The following AUTS2 variants were observed in gnomAD, a reference collection of about 807,000 sequenced individuals.
AUTS2 encodes activator of transcription and developmental regulator AUTS2.
In AUTS2, 17 loss-of-function variants were observed where a neutral mutation model predicts 112.4. The ratio of observed to expected loss-of-function variants is 0.15; its 90% CI spans 0.10 to 0.23. AUTS2 has a LOEUF of 0.23. AUTS2 is among the 10% of genes least tolerant of loss of function. AUTS2 has a pLI of 1.00. For missense variants in AUTS2, 1,510 were observed against 1,701.6 expected (o/e 0.89, Z 1.98); for synonymous variants, 751 against 702.7 (o/e 1.07, Z -1.09).
intron 4 of AUTS2, among the ~76,000 whole-genome samples, chr7:70,336,439 A>G (rs931599730): frequency 1.3e-5 from 2 of 152,056 alleles, no homozygotes; most frequent in Admixed American, 1.3e-4. Context: ...TATTATTTCA[A>G]TTTGCCCACA....
intron 4 of AUTS2, among the ~76,000 whole-genome samples, chr7:70,384,660 G>A (rs1440707137): frequency 6.6e-6 from 1 of 152,196 alleles, no homozygotes; most frequent in Non-Finnish European, 1.5e-5. Context: ...TGTTGCTCTG[G>A]ACTGCTGGCA....
At chr7:69,652,284 C>T (rs971184145) in intron 1 of AUTS2, among the ~76,000 whole-genome samples, 4 of 151,896 alleles carry the variant, frequency 2.6e-5, no homozygotes, top group Non-Finnish European at 5.9e-5. Context: ...AAGTAGACAC[C>T]TGTGCCTGAT....
At chr7:69,691,356 T>G (rs932577357) in intron 1 of AUTS2, among the ~76,000 whole-genome samples, 2 of 151,896 alleles carry the variant, frequency 1.3e-5, no homozygotes, top group Admixed American at 1.3e-4. Context: ...AGCTGTCCAT[T>G]GTGTCTAGGC....
At chr7:70,321,135 A>G (rs1218152345) in intron 4 of AUTS2, among the ~76,000 whole-genome samples, 1 of 152,214 alleles carries the variant, frequency 6.6e-6, no homozygotes, top group Non-Finnish European at 1.5e-5. Context: ...GATAGGTAGT[A>G]TTATTCCCAT....
chr7:70,507,497 T>C (rs1799011741), intron 5 of AUTS2, among the ~76,000 whole-genome samples: 1 of 151,988 alleles, frequency 6.6e-6, no homozygotes, highest in Admixed American at 6.6e-5. Context: ...TCCCTGAACA[T>C]TAAAAAAAAG....
rs1029226880 is a variant in AUTS2 at position 70,653,174 on chromosome 7, T to C, written c.691-45395T>C. Among the ~76,000 whole-genome samples, 25 of 152,178 alleles carry C rather than the reference T, an allele frequency of 1.6e-4. 1 individual carries two copies. Among genetic ancestry groups the C allele is most frequent in the Admixed American group, 1.5e-3 (23 of 15,280 alleles). ...GGAGGCTGAGACAGGAGGATTGCTT[T>C]CGAGGCTGCATGAGCTATGATCATG... On this transcript the variant is annotated intron_variant, in intron 5 of 18. Transcript: ENST00000342771.
chr7:70,007,616 A>G (rs994487244), intron 2 of AUTS2, among the ~76,000 whole-genome samples: 13 of 152,158 alleles, frequency 8.5e-5, no homozygotes, highest in Admixed American at 1.3e-4. Flanking sequence ...CATCAGTTCT[A>G]TAAAGTAAGG....
chr7:70,678,043 C>T (rs2129544852), intron 5 of AUTS2, among the ~76,000 whole-genome samples: 1 of 152,158 alleles, frequency 6.6e-6, no homozygotes, highest in East Asian at 1.9e-4. Context: ...GATGGTGCCA[C>T]TGCACTCCAG....
chr7:70,775,400 T>C lies in AUTS2; in HGVS notation c.1932+14T>C, dbSNP rs757038385. 197 of 1,610,644 alleles carry C rather than the reference T, an allele frequency of 1.2e-4. 2 individuals are homozygous for C. The Middle Eastern group carries it at 1.5e-3, about 12-fold the overall frequency. On this transcript the variant is annotated intron_variant, in intron 13 of 18. Transcript: ENST00000342771. ...CCTATGTTAAGGGTAAGAAAGCTTC[T>C]TATAGAACTGTTTTGCAACCTCTAT...
intron 1 of AUTS2, among the ~76,000 whole-genome samples, chr7:69,817,822 CA>C (rs1790828406): frequency 6.6e-6 from 1 of 152,156 alleles, no homozygotes; most frequent in Admixed American, 6.5e-5. Flanking sequence ...CTCTGGACCC[CA>C]ACAGGATGCA....
In AUTS2 at chr7:69,614,370, T is replaced by TCTTTCTTTCTTTCTTTC. The variant is rs1322536871; in HGVS notation, c.309+14408_309+14409insCTTTCTTTCTTTCTTTC. ...TTTCTTTCTTTCTTTCTTTCTTTTT[T>TCTTTCTTTCTTTCTTTC]TAAGAGATGGGATCTCACTCTGTTT... On this transcript the variant is annotated intron_variant, in intron 1 of 18. Coordinates refer to ENST00000342771, the MANE Select transcript of AUTS2 (RefSeq NM_015570.4). 7.4e-4 allele frequency among the ~76,000 whole-genome samples: 21 copies of TCTTTCTTTCTTTCTTTC among 28,536 alleles called. 1 individual carries two copies. Among genetic ancestry groups the TCTTTCTTTCTTTCTTTC allele is most frequent in the Admixed American group, 1.7e-3 (5 of 2,996 alleles). 18.7% of individuals were successfully genotyped at this position (28,536 alleles called of 152,430 possible).
intron 2 of AUTS2, among the ~76,000 whole-genome samples, chr7:70,043,581 CTTCCTTCCTTCCTTCCTTCCTTCCT>C (rs1801348250): frequency 8.7e-6 from 1 of 114,898 alleles, no homozygotes; most frequent in Admixed American, 8.7e-5. Context: ...TCCTTCCTTC[CTTCCTTCCTTCCTTCCTTCCTTCCT>C]TTTTTTTTTT....
At chr7:69,674,186 C>T (rs141029131) in intron 1 of AUTS2, among the ~76,000 whole-genome samples, 1 of 152,304 alleles carries the variant, frequency 6.6e-6, no homozygotes, top group Non-Finnish European at 1.5e-5. Flanking sequence ...TGATTCTGTA[C>T]TTGTTGTTTA....
intron 2 of AUTS2, among the ~76,000 whole-genome samples, chr7:70,004,324 A>ATACAT (rs1491427809): frequency 8.0e-6 from 1 of 125,232 alleles, no homozygotes; most frequent in Non-Finnish European, 1.7e-5. Flanking sequence ...TTATATATAT[A>ATACAT]ATATATATAT....
rs527340368 is a variant in AUTS2, at chr7:70,448,381, A to C, written c.690+12600A>C. Among the ~76,000 whole-genome samples, 6 of 152,326 alleles carry C rather than the reference A, an allele frequency of 3.9e-5. No homozygotes were observed. The East Asian group carries it at 1.2e-3, about 29-fold the overall frequency. ...TGCTGCAACAGAAGAGCCATAGATA[A>C]GCATGGCTTTTCTCACTGAGAAATT... is the stretch of plus-strand genomic sequence containing the variant. On this transcript the variant is annotated intron_variant, in intron 5 of 18. Transcript: ENST00000342771.
At chr7:70,755,528 A>G (rs1302405639) in intron 6 of AUTS2, among the ~76,000 whole-genome samples, 1 of 152,080 alleles carries the variant, frequency 6.6e-6, no homozygotes, top group Non-Finnish European at 1.5e-5. Context: ...TTAGCTGGGC[A>G]TGATGGCAGG....
intron 5 of AUTS2, among the ~76,000 whole-genome samples, chr7:70,456,779 C>A (rs1175088795): frequency 2.0e-5 from 3 of 152,252 alleles, no homozygotes; most frequent in Non-Finnish European, 4.4e-5. Context: ...CCTCTGATGA[C>A]CTCTCCTCCC....
intron 3 of AUTS2, among the ~76,000 whole-genome samples, chr7:70,124,976 ATTC>A (rs1805886904): frequency 6.6e-6 from 1 of 151,710 alleles, no homozygotes. Flanking sequence ...TATTATGCTT[ATTC>A]TTCTTTCACT....
In AUTS2 at chr7:70,480,868, C is replaced by T. The variant is rs117569654; in HGVS notation, c.690+45087C>T. Among the ~76,000 whole-genome samples, 150 of 152,214 alleles carry T rather than the reference C, an allele frequency of 9.9e-4. 3 individuals carry two copies. The East Asian group carries it at 0.025, about 26-fold the overall frequency. On this transcript the variant is annotated intron_variant, in intron 5 of 18. Coordinates refer to ENST00000342771, the MANE Select transcript of AUTS2 (RefSeq NM_015570.4). ...AGGAAGAAGAGAAATTTAAGCAGTG[C>T]CTCAAAGGTTGGGTGGGATGTGAGT...
Sources: allele counts gnomAD v4.1 joint callset (sites outside exome capture counted in the v4.1 genomes callset), GRCh38; gene constraint gnomAD v4.1.1; transcripts MANE v1.5; gene names NCBI Gene and HGNC (gene_info 2026-07-23, HGNC 2026-07-21).